Variants in TK2 observed in about 807,000 individuals in gnomAD.
TK2 encodes thymidine kinase 2, mitochondrial.
Under a neutral mutation model 41.9 loss-of-function variants are expected in TK2, and 35 were observed. The observed-to-expected ratio is 0.84, with a 90% confidence interval of 0.64 to 1.11. The LOEUF (loss-of-function observed/expected upper bound fraction) is 1.11. Among genes scored for constraint, TK2 ranks in the 50% least tolerant of loss-of-function variants. The pLI is 0.00. For missense variants in TK2, 320 were observed against 351.1 expected, an observed-to-expected ratio of 0.91 and a Z score of 0.71; for synonymous variants, 128 against 129.1, an observed-to-expected ratio of 0.99 and a Z score of 0.06.
In TK2 at chr16:66,549,841, G is replaced by C. The variant is rs889517616; in HGVS notation, c.124+97C>G. On this transcript the variant is annotated intron_variant, in intron 1 of 9. Transcript: ENST00000544898. The stretch of plus-strand genomic sequence containing the variant: ...GGGGAGGAAATCCCGCGCCTCGGAA[G>C]AGGCGCTTCGGGCTCGGGCGGGTTC... 5 of 1,284,034 alleles carry C rather than the reference G, an allele frequency of 3.9e-6. No individual in the cohort carries two copies. The African/African-American group carries it at 7.8e-5, about 20-fold the overall frequency. The allele number at this position is 1,284,034 out of a possible 1,614,324, so 79.5% of individuals were successfully genotyped here.
chr16:66,547,739 CT>C (rs1466976297), intron 2 of TK2, among the ~76,000 whole-genome samples: 1 of 152,162 alleles, frequency 6.6e-6, no homozygotes, highest in Non-Finnish European at 1.5e-5. Context: ...AATGTCAGGG[CT>C]GTTTGCCAGG....
chr16:66,513,705 G>A (rs889979624), intron 9 of TK2, 26 bp downstream of exon 9: 9 of 1,606,684 alleles, frequency 5.6e-6, no homozygotes, highest in East Asian at 4.5e-5. Context: ...GAACAGTCTC[G>A]TACCCTGTAA....
At chr16:66,527,106 C>T (rs1161648721) in intron 6 of TK2, among the ~76,000 whole-genome samples, 1 of 152,208 alleles carries the variant, frequency 6.6e-6, no homozygotes, top group East Asian at 1.9e-4. Flanking sequence ...CCGCAGAGGG[C>T]TGGATAAACC....
intron 6 of TK2, among the ~76,000 whole-genome samples, chr16:66,520,512 T>C (rs1964748968): frequency 6.6e-6 from 1 of 152,124 alleles, no homozygotes; most frequent in Admixed American, 6.6e-5. Flanking sequence ...CAATTTGGAT[T>C]AGGCAGGCGT....
chr16:66,527,227 A>G (rs1192249089), intron 6 of TK2, among the ~76,000 whole-genome samples: 2 of 152,208 alleles, frequency 1.3e-5, no homozygotes, highest in Non-Finnish European at 2.9e-5. Flanking sequence ...GTCTGAGGCC[A>G]GGGGGCAAAG....
intron 1 of TK2, 58 bp from the exon 2 acceptor site, chr16:66,549,067 T>C (rs1048355404): frequency 1.9e-6 from 3 of 1,608,234 alleles, no homozygotes; most frequent in Non-Finnish European, 2.5e-6. Context: ...TCCTCTGCCC[T>C]AATTTGCTAC....
chr16:66,511,727 C>T lies in TK2; in HGVS notation c.*241G>A, dbSNP rs1376524507. On this transcript the variant is annotated 3_prime_UTR_variant, in exon 10 of 10. Coordinates refer to ENST00000544898, the MANE Select transcript of TK2 (RefSeq NM_004614.5). ...CAGCACAAAGCCATGGGAGAGGCAC[C>T]GGGGGAATGTGAGGCTGCGAACAGC... 5.2e-6 allele frequency: 3 copies of T among 581,250 alleles called. No homozygotes were observed. Among genetic ancestry groups the T allele is most frequent in the Admixed American group, 2.7e-5 (1 of 37,394 alleles). The allele number at this position is 581,250 out of a possible 1,614,324, so 36.0% of individuals were successfully genotyped here. A position where few individuals can be genotyped will look rare whatever the true frequency, so the allele number is the denominator to read the frequency against.
At chr16:66,523,020 G>T (rs1481365580) in intron 6 of TK2, among the ~76,000 whole-genome samples, 1 of 152,192 alleles carries the variant, frequency 6.6e-6, no homozygotes, top group South Asian at 2.1e-4. Context: ...GCCAGAAGAG[G>T]TGGGTCTTTT....
intron 6 of TK2, among the ~76,000 whole-genome samples, chr16:66,519,058 T>C (rs1332950775): frequency 6.6e-6 from 1 of 152,002 alleles, no homozygotes; most frequent in Admixed American, 6.6e-5. Flanking sequence ...GCCCCCCAGG[T>C]TCACGCCATT....
At chr16:66,529,146 C>A in intron 5 of TK2, 79 bp from the exon 6 acceptor site, 2 of 1,354,034 alleles carry the variant, frequency 1.5e-6, no homozygotes, top group Non-Finnish European at 2.1e-6. Flanking sequence ...GTCTGTTACT[C>A]CCCCTGCCTG....
chr16:66,532,834 TCAAAATACCTATG>T (rs1965157757), intron 4 of TK2, among the ~76,000 whole-genome samples: 1 of 151,392 alleles, frequency 6.6e-6, no homozygotes, highest in Non-Finnish European at 1.5e-5. Flanking sequence ...GTAATCTCTA[TCAAAATACCTATG>T]ACAGTCTTTG....
At chr16:66,543,147 T>C (rs541161792) in intron 2 of TK2, among the ~76,000 whole-genome samples, 1 of 152,376 alleles carries the variant, frequency 6.6e-6, no homozygotes, top group African/African-American at 2.4e-5. Context: ...GTGCTGGGAT[T>C]ACAGGCGTGA....
At position 66,511,796 on chromosome 16, in the gene TK2, C is replaced by G. The variant is rs531185643; in HGVS notation, c.*172G>C. 8 of 674,730 alleles carry G rather than the reference C, an allele frequency of 1.2e-5. No individual in the cohort carries two copies. The East Asian group carries it at 1.9e-4, about 16-fold the overall frequency. The allele number at this position is 674,730 out of a possible 1,614,324, so 41.8% of individuals were successfully genotyped here. A position where few individuals can be genotyped will look rare whatever the true frequency, so the allele number is the denominator to read the frequency against. Reference sequence around the variant, plus strand: ...ATTGGTCCCGTTTGTCATTTACCCACGAGGGCCAGAGACGCATGACAAAGA... The same window carrying G: ...ATTGGTCCCGTTTGTCATTTACCCAGGAGGGCCAGAGACGCATGACAAAGA... On this transcript the variant is annotated 3_prime_UTR_variant, in exon 10 of 10. Transcript: ENST00000544898.
intron 2 of TK2, 89 bp from the exon 3 acceptor site, chr16:66,542,042 C>T: frequency 7.2e-7 from 1 of 1,396,342 alleles, no homozygotes; most frequent in South Asian, 1.2e-5. Context: ...GCTCATGTAA[C>T]CAGCATAATT....
At chr16:66,522,888 G>A (rs1428144685) in intron 6 of TK2, among the ~76,000 whole-genome samples, 3 of 152,020 alleles carry the variant, frequency 2.0e-5, no homozygotes, top group South Asian at 2.1e-4. Flanking sequence ...AGAAGTTCCC[G>A]TCTTTAAGGA....
At chr16:66,524,740 C>CCA (rs992476155) in intron 6 of TK2, 4 of 152,282 alleles carry the variant, frequency 2.6e-5, no homozygotes, top group African/African-American at 9.7e-5. Flanking sequence ...CTCTCAGGCC[C>CCA]CACCTCAGTG....
In TK2 at chr16:66,517,975, G is replaced by A; in HGVS notation, c.450-98C>T. ...CTTGAGACGGCTCTCAATGAAAGGA[G>A]TCACCAAGGGTACCAGGGCACAGTG... On this transcript the variant is annotated intron_variant, in intron 6 of 9. Transcript: ENST00000544898. This position sits in a 1 kb window ranked among gnomAD's most constrained non-coding sequence, Gnocchi z 4.3. The A allele has an allele frequency of 3.1e-6, 3 of 953,990 alleles. No homozygotes were observed. The highest frequency in any genetic ancestry group is 4.1e-4 in the Middle Eastern group (2 of 4,826). The allele number at this position is 953,990 out of a possible 1,614,324, so 59.1% of individuals were successfully genotyped here. A position where few individuals can be genotyped will look rare whatever the true frequency, so the allele number is the denominator to read the frequency against.
chr16:66,522,486 A>G (rs1298879802), intron 6 of TK2, among the ~76,000 whole-genome samples: 4 of 152,228 alleles, frequency 2.6e-5, no homozygotes, highest in Non-Finnish European at 2.9e-5. Flanking sequence ...CTCGGCCCAC[A>G]CAGTCACCTG....
chr16:66,528,736 G>A (rs1341993544), intron 6 of TK2, among the ~76,000 whole-genome samples: 2 of 152,052 alleles, frequency 1.3e-5, no homozygotes, highest in African/African-American at 2.4e-5. Flanking sequence ...ATCCTACATC[G>A]GCTGATCCCC....
Sources: gnomAD v4.1 joint callset for allele counts (sites outside exome capture counted in the v4.1 genomes callset) on GRCh38, gnomAD v4.1.1 for gene constraint, Gnocchi (gnomAD v3.1) non-coding constraint, MANE v1.5 for transcripts, NCBI Gene and HGNC (gene_info 2026-07-23, HGNC 2026-07-21) for gene names.